Variants in FGF12 observed in about 807,000 individuals in gnomAD.
FGF12 encodes the protein fibroblast growth factor 12B.
In FGF12, 14 loss-of-function variants were observed where a neutral mutation model predicts 23.6. That is an observed-to-expected ratio of 0.59 (90% CI 0.39 to 0.93). The LOEUF is 0.93. Ranked by LOEUF, FGF12 falls within the 40% of genes least tolerant of loss-of-function variation. FGF12 has a pLI of 0.00. For missense variants in FGF12, 175 were observed against 217.8 expected, an observed-to-expected ratio of 0.80 and a Z score of 1.24; for synonymous variants, 62 against 77.3, an observed-to-expected ratio of 0.80 and a Z score of 1.04.
intron 2 of FGF12, among the ~76,000 whole-genome samples, chr3:192,377,455 T>G (rs1488782497): frequency 6.6e-6 from 1 of 152,236 alleles, no homozygotes; most frequent in South Asian, 2.1e-4. Context: ...GTTGTTATAT[T>G]TTCTCCAGCA....
At chr3:192,159,302 C>T (rs1714731318) in intron 5 of FGF12, among the ~76,000 whole-genome samples, 1 of 152,198 alleles carries the variant, frequency 6.6e-6, no homozygotes, top group Non-Finnish European at 1.5e-5. Flanking sequence ...TTGCTAGACA[C>T]TCCAGCAGTG....
At chr3:192,351,559 A>G (rs1718220966) in intron 3 of FGF12, among the ~76,000 whole-genome samples, 1 of 152,208 alleles carries the variant, frequency 6.6e-6, no homozygotes, top group African/African-American at 2.4e-5. Flanking sequence ...AAATGTGGGG[A>G]AAAAAGTAGA....
At chr3:192,305,268 C>G (rs955864035) in intron 4 of FGF12, among the ~76,000 whole-genome samples, 27 of 151,978 alleles carry the variant, frequency 1.8e-4, no homozygotes, top group Admixed American at 1.7e-3. Flanking sequence ...ATGACTGATG[C>G]TACTACAGGG....
At chr3:192,209,238 T>C (rs746781151) in intron 4 of FGF12, among the ~76,000 whole-genome samples, 17 of 152,190 alleles carry the variant, frequency 1.1e-4, no homozygotes, top group Middle Eastern at 3.4e-3. Flanking sequence ...ACCACCACCA[T>C]CATCATCATT....
chr3:192,180,554 A>G lies in FGF12; in HGVS notation c.229-9898T>C, dbSNP rs74701535. On this transcript the variant is annotated intron_variant, in intron 4 of 5. Coordinates refer to ENST00000445105, the MANE Select transcript of FGF12 (RefSeq NM_004113.6). ...CCTTTCTTGGGATAAGGATGAAAGTAGGGATGTTGTCAAATGCACATATTT... is the reference window on the plus strand; with the variant it reads ...CCTTTCTTGGGATAAGGATGAAAGTGGGGATGTTGTCAAATGCACATATTT... 3.3e-3 allele frequency among the ~76,000 whole-genome samples: 503 copies of G among 152,334 alleles called. 8 individuals are homozygous for G. The highest frequency in any genetic ancestry group is 0.031 in the East Asian group (162 of 5,188).
chr3:192,278,039 G>A (rs1713910495), intron 4 of FGF12, among the ~76,000 whole-genome samples: 1 of 152,220 alleles, frequency 6.6e-6, no homozygotes, highest in Admixed American at 6.5e-5. Context: ...GGGATTACAG[G>A]TGTGAGACAC....
Position 192,170,693 on chromosome 3 carries a change from A to C in FGF12, c.229-37T>G, listed in dbSNP as rs747034223. 11 of 1,546,430 alleles carry C rather than the reference A, an allele frequency of 7.1e-6. No homozygotes were observed. In the South Asian group the frequency reaches 1.1e-4, roughly 15 times the overall value. ...AAAAAAAAAGACACAAAAAAGAGAA[A>C]TGATTTAAAGGTGAATCAGCAAATG... On this transcript the variant is annotated intron_variant, in intron 4 of 5. Coordinates refer to ENST00000445105, the MANE Select transcript of FGF12 (RefSeq NM_004113.6).
intron 2 of FGF12, among the ~76,000 whole-genome samples, chr3:192,524,544 C>A (rs376019913): frequency 1.8e-4 from 27 of 152,300 alleles, no homozygotes; most frequent in African/African-American, 6.3e-4. Context: ...GGATCCATAT[C>A]AAAGGCTTGT....
chr3:192,334,431 A>C (rs977340049), intron 4 of FGF12, among the ~76,000 whole-genome samples: 15 of 151,920 alleles, frequency 9.9e-5, no homozygotes, highest in African/African-American at 2.9e-4. Context: ...TGAGATCATA[A>C]AAAGTAAGGG....
chr3:192,425,341 C>G (rs1236451575), intron 2 of FGF12, among the ~76,000 whole-genome samples: 2 of 152,092 alleles, frequency 1.3e-5, no homozygotes, highest in Non-Finnish European at 2.9e-5. Context: ...AGGGTCCTTA[C>G]AAGGTTTCAC....
chr3:192,365,707 A>T (rs1244307164), intron 2 of FGF12, among the ~76,000 whole-genome samples: 1 of 152,186 alleles, frequency 6.6e-6, no homozygotes. Context: ...ACTGCTTCCC[A>T]TCAGGATGAC....
At chr3:192,723,860 TGTGA>T (rs1283406108) in intron 2 of FGF12, among the ~76,000 whole-genome samples, 10 of 119,040 alleles carry the variant, frequency 8.4e-5, no homozygotes, top group African/African-American at 3.1e-4. Context: ...TGTGTGTGTG[TGTGA>T]GAGAGAGAGA....
At chr3:192,193,742 A>G (rs779293280) in intron 4 of FGF12, among the ~76,000 whole-genome samples, 2 of 152,124 alleles carry the variant, frequency 1.3e-5, no homozygotes, top group Non-Finnish European at 2.9e-5. Flanking sequence ...ACACTTTTAA[A>G]TACTAGAAAG....
intron 4 of FGF12, among the ~76,000 whole-genome samples, chr3:192,320,866 A>G (rs996307113): frequency 6.6e-6 from 1 of 152,046 alleles, no homozygotes; most frequent in Non-Finnish European, 1.5e-5. Flanking sequence ...AAAGTAAAAC[A>G]TTTCTAATAA....
chr3:192,721,504 A>C (rs1719038491), intron 2 of FGF12, among the ~76,000 whole-genome samples: 2 of 152,210 alleles, frequency 1.3e-5, no homozygotes, highest in Admixed American at 1.3e-4. Context: ...GTGTTTCACG[A>C]ACGTTATTTA....
At chr3:192,173,423 G>A (rs143371803) in intron 4 of FGF12, among the ~76,000 whole-genome samples, 4 of 142,072 alleles carry the variant, frequency 2.8e-5, no homozygotes, top group Non-Finnish European at 4.8e-5. Context: ...CTGGCTCTTC[G>A]AAGGCCTTGT....
At chr3:192,179,283 G>C (rs1327052734) in intron 4 of FGF12, among the ~76,000 whole-genome samples, 1 of 152,066 alleles carries the variant, frequency 6.6e-6, no homozygotes, top group Non-Finnish European at 1.5e-5. Flanking sequence ...ATTTTTACTG[G>C]AAAACTACTG....
At chr3:192,148,659 A>G (rs1713860501) in intron 5 of FGF12, among the ~76,000 whole-genome samples, 1 of 152,240 alleles carries the variant, frequency 6.6e-6, no homozygotes, top group Admixed American at 6.5e-5. Flanking sequence ...ACTTGTCCTG[A>G]ATTGTCCTGA....
At chr3:192,433,127 T>C (rs2108791587) in intron 2 of FGF12, among the ~76,000 whole-genome samples, 1 of 152,280 alleles carries the variant, frequency 6.6e-6, no homozygotes, top group South Asian at 2.1e-4. Context: ...GATTCATCAT[T>C]TTTAGATTCA....
Sources: gnomAD v4.1 joint callset for allele counts (sites outside exome capture counted in the v4.1 genomes callset) on GRCh38, gnomAD v4.1.1 for gene constraint, MANE v1.5 for transcripts, NCBI Gene and HGNC (gene_info 2026-07-23, HGNC 2026-07-21) for gene names.